The following PKHD1 variants were observed in gnomAD, a reference collection of about 807,000 sequenced individuals.
PKHD1 encodes the protein PKHD1 ciliary IPT domain containing fibrocystin/polyductin.
In PKHD1, 291 loss-of-function variants were observed where a neutral mutation model predicts 412.0. The ratio of observed to expected loss-of-function variants is 0.71; its 90% CI spans 0.64 to 0.78. PKHD1 has a LOEUF of 0.78. Among genes scored for constraint, PKHD1 ranks in the 30% least tolerant of loss-of-function variants. The pLI is 0.00. For missense variants in PKHD1, 4,825 were observed against 4,950.7 expected, an observed-to-expected ratio of 0.97 and a Z score of 0.76; for synonymous variants, 1,777 against 1,821.5, an observed-to-expected ratio of 0.98 and a Z score of 0.62.
intron 53 of PKHD1, among the ~76,000 whole-genome samples, chr6:51,787,884 A>G (rs771576498): frequency 3.3e-5 from 5 of 152,210 alleles, no homozygotes; most frequent in African/African-American, 9.6e-5. Context: ...GCAATAAAAG[A>G]TATCAACTGG....
In PKHD1 at chr6:52,053,084, T is replaced by C; in HGVS notation, c.2132A>G (p.Asn711Ser). Residue 711 changes from asparagine to serine, a missense_variant, in exon 21 of 67, where the codon AAC (asparagine) becomes AGC (serine). By Grantham distance (46) the Asn-to-Ser change is conservative. Transcript: ENST00000371117. ...YVDEIIIADTNVTVSQADSGT... is the reference protein window; with the variant it reads ...YVDEIIIADTSVTVSQADSGT... ...GAGAATTTGATGATTACCTGTTACG[T>C]TTGTGTCTGCAATAATAATTTCATC... 1 of 1,614,024 alleles carries C rather than the reference T, an allele frequency of 6.2e-7. No homozygotes were observed. Among genetic ancestry groups the C allele is most frequent in the Non-Finnish European group, 8.5e-7 (1 of 1,179,954 alleles).
rs374793648 is a variant in PKHD1, at chr6:51,966,426, T to G, written c.5752-6400A>C. Among the ~76,000 whole-genome samples the G allele has an allele frequency of 5.0e-4, 76 of 152,270 alleles. 1 individual carries two copies. The highest frequency in any genetic ancestry group is 1.7e-3 in the African/African-American group (72 of 41,566). ...CTGTGAGCAAAGGGATAATTTTGAC[T>G]AGAACGGAAGGCAGGTTTGCCCTAA... On this transcript the variant is annotated intron_variant, in intron 35 of 66. Transcript: ENST00000371117.
At chr6:51,946,328 C>T (rs1789447666) in intron 36 of PKHD1, among the ~76,000 whole-genome samples, 1 of 152,120 alleles carries the variant, frequency 6.6e-6, no homozygotes, top group Non-Finnish European at 1.5e-5. Context: ...ATAAGAAAAT[C>T]TAGGTACATT....
Position 51,909,385 on chromosome 6 carries a change from C to G in PKHD1, c.6580G>C (p.Glu2194Gln), listed in dbSNP as rs774380534. The change falls in exon 40 of 67, where the codon GAA (glutamate) becomes CAA (glutamine). Residue 2194 changes from glutamate (E) to glutamine (Q), a missense_variant. Physicochemically the swap from Glu to Gln is conservative, Grantham distance 29. Transcript: ENST00000371117. ...GARVIVQSFP[E>Q]EPSQVQLKGV... Reference sequence around the variant, plus strand: ...TTCAACTGGACCTGGCTGGGCTCTTCTGGGAAGGACTGAACGATCACTCTG... The same window carrying G: ...TTCAACTGGACCTGGCTGGGCTCTTGTGGGAAGGACTGAACGATCACTCTG... 2.5e-6 allele frequency: 4 copies of G among 1,613,412 alleles called. No homozygotes were observed. The Admixed American group carries it at 5.0e-5, about 20-fold the overall frequency.
At chr6:51,748,802 C>T in intron 57 of PKHD1, 137 bp from the exon 58 acceptor site, 1 of 765,310 alleles carries the variant, frequency 1.3e-6, no homozygotes, top group Non-Finnish European at 2.3e-6. Flanking sequence ...TTATATTTCA[C>T]ACCATAGATT....
intron 35 of PKHD1, among the ~76,000 whole-genome samples, chr6:51,974,232 A>G (rs1332759169): frequency 2.0e-5 from 3 of 152,154 alleles, no homozygotes; most frequent in Non-Finnish European, 4.4e-5. Context: ...TTGTTTTAGA[A>G]AATTGAGAAA....
chr6:51,939,149 G>T (rs923182758), intron 36 of PKHD1, among the ~76,000 whole-genome samples: 1 of 151,086 alleles, frequency 6.6e-6, no homozygotes, highest in Non-Finnish European at 1.5e-5. Context: ...TGCTTTTCTG[G>T]GGGGCAAGGA....
intron 46 of PKHD1, among the ~76,000 whole-genome samples, chr6:51,880,830 G>T (rs917839547): frequency 7.3e-6 from 1 of 137,664 alleles, no homozygotes; most frequent in African/African-American, 2.7e-5. Flanking sequence ...GCCAGGCGTG[G>T]TGGCAGGTGC....
At chr6:51,797,492 G>A (rs1794794571) in intron 52 of PKHD1, among the ~76,000 whole-genome samples, 1 of 152,122 alleles carries the variant, frequency 6.6e-6, no homozygotes, top group Non-Finnish European at 1.5e-5. Flanking sequence ...ACAGTATTGG[G>A]TGCATATATA....
chr6:51,926,341 T>C (rs1057300859), intron 37 of PKHD1, among the ~76,000 whole-genome samples: 1 of 152,196 alleles, frequency 6.6e-6, no homozygotes, highest in Non-Finnish European at 1.5e-5. Context: ...TGGACTCAGC[T>C]GTGCCTCAAG....
chr6:52,072,143 A>G lies in PKHD1; in HGVS notation c.574T>C (p.Ser192Pro), dbSNP rs773995900. 24 of 1,610,092 alleles carry G rather than the reference A, an allele frequency of 1.5e-5. No individual in the cohort carries two copies. Among genetic ancestry groups the G allele is most frequent in the Non-Finnish European group, 2.0e-5 (23 of 1,176,488 alleles). The change falls in exon 8 of 67, where the codon TCT (serine) becomes CCT (proline). Residue 192 changes from serine to proline, a missense_variant. By Grantham distance (74) the Ser-to-Pro change is moderately conservative (BLOSUM62 -1). Coordinates refer to ENST00000371117, the MANE Select transcript of PKHD1 (RefSeq NM_138694.4). ...AQGDKWVTPC[S>P]LINRQMGSCY... ...CTTCCCATCTGCCTATTTATAAGAG[A>G]GCAAGGAGTAACCCATTTGTCTCCT...
At chr6:51,667,923 G>T (rs2150476645) in intron 60 of PKHD1, among the ~76,000 whole-genome samples, 1 of 152,242 alleles carries the variant, frequency 6.6e-6, no homozygotes, top group African/African-American at 2.4e-5. Flanking sequence ...TTTGGTAGCA[G>T]TACCATGCTG....
chr6:52,049,130 T>A (rs1354780732), intron 22 of PKHD1, among the ~76,000 whole-genome samples: 1 of 152,170 alleles, frequency 6.6e-6, no homozygotes, highest in African/African-American at 2.4e-5. Context: ...AAGAAATGCA[T>A]CCTTAGACAG....
intron 60 of PKHD1, among the ~76,000 whole-genome samples, chr6:51,666,651 G>A (rs1461603409): frequency 1.3e-5 from 2 of 150,484 alleles, no homozygotes; most frequent in South Asian, 2.1e-4. Flanking sequence ...CCACTAACTC[G>A]TCATCTAGCA....
chr6:51,901,167 G>T (rs1217495489), intron 43 of PKHD1, among the ~76,000 whole-genome samples: 10 of 152,098 alleles, frequency 6.6e-5, no homozygotes, highest in Non-Finnish European at 1.0e-4. Context: ...CCCATTACTG[G>T]GTATATAAAC....
chr6:51,894,795 C>T (rs987617837), intron 43 of PKHD1, among the ~76,000 whole-genome samples: 1 of 152,196 alleles, frequency 6.6e-6, no homozygotes, highest in Non-Finnish European at 1.5e-5. Context: ...TTAATACTAT[C>T]ATACCAATGT....
Position 52,047,688 on chromosome 6 carries a change from T to C in PKHD1, c.2407+804A>G, listed in dbSNP as rs1035637969. Among the ~76,000 whole-genome samples, 5 of 152,136 alleles carry C rather than the reference T, an allele frequency of 3.3e-5. No homozygotes were observed. In the East Asian group the frequency reaches 7.7e-4, roughly 23 times the overall value. On this transcript the variant is annotated intron_variant, in intron 23 of 66. Coordinates refer to ENST00000371117, the MANE Select transcript of PKHD1 (RefSeq NM_138694.4). Reference sequence around the variant, plus strand: ...CATGGCTACCATGTATCTTGGTCTATAAAACTCTAGAAAGAAGAGGACTGA... The same window carrying C: ...CATGGCTACCATGTATCTTGGTCTACAAAACTCTAGAAAGAAGAGGACTGA...
intron 43 of PKHD1, among the ~76,000 whole-genome samples, chr6:51,901,690 T>TA (rs11331045): frequency 0.019 from 2,614 of 138,252 alleles, 35 homozygotes; most frequent in Middle Eastern, 0.041. Flanking sequence ...AAAAAAAACT[T>TA]AAAAAAAAAA....
chr6:51,849,737 GTTGT>G (rs1160722974), intron 49 of PKHD1, among the ~76,000 whole-genome samples: 7 of 152,064 alleles, frequency 4.6e-5, no homozygotes, highest in East Asian at 1.9e-4. Flanking sequence ...TTTTGATGGG[GTTGT>G]TTGTCTTTTT....
Sources: gnomAD v4.1 joint callset for allele counts (sites outside exome capture counted in the v4.1 genomes callset) on GRCh38, gnomAD v4.1.1 for gene constraint, MANE v1.5 for transcripts, NCBI Gene and HGNC (gene_info 2026-07-23, HGNC 2026-07-21) for gene names.